Variants in KIRREL3 observed in about 807,000 individuals in gnomAD.
The protein encoded by KIRREL3 is kin of IRRE-like protein 3.
A neutral mutation model predicts 89.7 loss-of-function variants in KIRREL3; 36 were observed. That is an observed-to-expected ratio of 0.40 (90% CI 0.31 to 0.53). KIRREL3 has a LOEUF of 0.53. KIRREL3 is among the 20% of genes least tolerant of loss of function. The pLI is 0.49. For synonymous variants in KIRREL3, 445 were observed against 441.4 expected (o/e 1.01, Z -0.10); for missense variants, 864 against 1,056.6 (o/e 0.82, Z 2.53).
At chr11:126,728,837 G>A (rs574895253) in intron 1 of KIRREL3, among the ~76,000 whole-genome samples, 2 of 152,322 alleles carry the variant, frequency 1.3e-5, no homozygotes, top group East Asian at 3.9e-4. Context: ...TTCAAGTGAG[G>A]AAGGCCTGAG....
rs79096179 is a variant in KIRREL3 at position 126,905,940 on chromosome 11, G to A, written c.55+94515C>T. On this transcript the variant is annotated intron_variant, in intron 1 of 16. Transcript: ENST00000525144. This position sits in a 1 kb window ranked among gnomAD's most constrained non-coding sequence, Gnocchi z 5.0. ...CGGAGGAGATGAAACAGGCTGACAG[G>A]CAGAGCCATTCTGTTTGGGGTTTGT... 5.5e-3 allele frequency among the ~76,000 whole-genome samples: 841 copies of A among 152,298 alleles called. 22 individuals carry two copies. In the East Asian group the frequency reaches 0.075, roughly 14 times the overall value.
At chr11:126,603,897 C>T (rs1942773005) in intron 1 of KIRREL3, among the ~76,000 whole-genome samples, 1 of 152,198 alleles carries the variant, frequency 6.6e-6, no homozygotes. Flanking sequence ...ATAGCCCCCC[C>T]TCCTCCCACT....
In KIRREL3 at chr11:126,768,295, C is replaced by G. The variant is rs1949910568; in HGVS notation, c.56-205383G>C. Among the ~76,000 whole-genome samples, 1 of 152,102 alleles carries G rather than the reference C, an allele frequency of 6.6e-6. No individual in the cohort carries two copies. The highest frequency in any genetic ancestry group is 1.5e-5 in the Non-Finnish European group (1 of 68,022). Reference sequence around the variant, plus strand: ...CCATCCATTCATCCATCCATCCATCCATCCATCCAATCTGTCCATCTGTCC... The same window carrying G: ...CCATCCATTCATCCATCCATCCATCGATCCATCCAATCTGTCCATCTGTCC... On this transcript the variant is annotated intron_variant, in intron 1 of 16. Coordinates refer to ENST00000525144, the MANE Select transcript of KIRREL3 (RefSeq NM_032531.4). This position sits in a 1 kb window ranked among gnomAD's most constrained non-coding sequence, Gnocchi z 4.5.
At chr11:126,661,406 G>A (rs1305155384) in intron 1 of KIRREL3, among the ~76,000 whole-genome samples, 3 of 152,174 alleles carry the variant, frequency 2.0e-5, no homozygotes, top group African/African-American at 4.8e-5. Context: ...CCCAAATAAC[G>A]ACGAGAGATG....
rs2134329935 is a variant in KIRREL3, at chr11:126,489,019, C to T, written c.434-15553G>A. Among the ~76,000 whole-genome samples the T allele has an allele frequency of 6.6e-6, 1 of 152,268 alleles. No homozygotes were observed. The highest frequency in any genetic ancestry group is 2.1e-4 in the South Asian group (1 of 4,816). On this transcript the variant is annotated intron_variant, in intron 4 of 16. Transcript: ENST00000525144. This position sits in a 1 kb window ranked among gnomAD's most constrained non-coding sequence, Gnocchi z 5.5. ...TCCTTTCCTGACTTGTGGACACCTA[C>T]ACGATGTTCAGTGTTTGCTCAAATG... is the stretch of plus-strand genomic sequence containing the variant.
At position 126,830,651 on chromosome 11, in the gene KIRREL3, A is replaced by C. The variant is rs1844327887; in HGVS notation, c.55+169804T>G. On this transcript the variant is annotated intron_variant, in intron 1 of 16. Transcript: ENST00000525144. This position sits in a 1 kb window ranked among gnomAD's most constrained non-coding sequence, Gnocchi z 4.9. ...GCAGGGATTGGACAGGCAGGCACTT[A>C]GGAAGGTGTTCGTGCCAGACGCATT... Among the ~76,000 whole-genome samples, 1 of 152,222 alleles carries C rather than the reference A, an allele frequency of 6.6e-6. No homozygotes were observed. The highest frequency in any genetic ancestry group is 6.5e-5 in the Admixed American group (1 of 15,284).
At chr11:126,472,955 C>T (rs1456828519) in intron 5 of KIRREL3, among the ~76,000 whole-genome samples, 1 of 126,850 alleles carries the variant, frequency 7.9e-6, no homozygotes, top group Admixed American at 8.0e-5. Flanking sequence ...AGCCCAGCCC[C>T]TCCCCAGCAG....
chr11:126,566,602 C>T lies in KIRREL3; in HGVS notation c.56-3690G>A, dbSNP rs1035658124. 3.3e-5 allele frequency among the ~76,000 whole-genome samples: 5 copies of T among 152,146 alleles called. No individual in the cohort carries two copies. Among genetic ancestry groups the T allele is most frequent in the African/African-American group, 4.8e-5 (2 of 41,434 alleles). On this transcript the variant is annotated intron_variant, in intron 1 of 16. Coordinates refer to ENST00000525144, the MANE Select transcript of KIRREL3 (RefSeq NM_032531.4). The surrounding 1 kb of genome is among the most constrained non-coding windows in gnomAD (Gnocchi z 4.9). ...TGTAGAGTGAATGAAACTTGTAGCT[C>T]ATTGGAAGAGAAGCCTAGATAACAT... is the stretch of plus-strand genomic sequence containing the variant.
rs1301426234 is a variant in KIRREL3 at position 126,523,359 on chromosome 11, C to G, written c.284-1895G>C. On this transcript the variant is annotated intron_variant, in intron 3 of 16. Transcript: ENST00000525144. This position sits in a 1 kb window ranked among gnomAD's most constrained non-coding sequence, Gnocchi z 4.9. Reference sequence around the variant, plus strand: ...TGGGGCAGGCCTCCCTGGGGGTGGGCTGTACAACGGGCCACCAGCACTTGT... The same window carrying G: ...TGGGGCAGGCCTCCCTGGGGGTGGGGTGTACAACGGGCCACCAGCACTTGT... Among the ~76,000 whole-genome samples the G allele has an allele frequency of 6.6e-6, 1 of 152,136 alleles. No homozygotes were observed. Among genetic ancestry groups the G allele is most frequent in the African/African-American group, 2.4e-5 (1 of 41,432 alleles).
At chr11:126,542,560 C>T (rs1036382100) in intron 2 of KIRREL3, among the ~76,000 whole-genome samples, 13 of 152,212 alleles carry the variant, frequency 8.5e-5, no homozygotes, top group Admixed American at 7.9e-4. Context: ...TCCCTCTCTG[C>T]CTCCTACTCA....
chr11:126,633,985 G>A (rs1176521617), intron 1 of KIRREL3, among the ~76,000 whole-genome samples: 1 of 152,214 alleles, frequency 6.6e-6, no homozygotes, highest in Non-Finnish European at 1.5e-5. Context: ...TCTTCAGAAA[G>A]TACAGCGTAG....
chr11:126,730,748 T>C (rs758189758), intron 1 of KIRREL3, among the ~76,000 whole-genome samples: 22 of 152,100 alleles, frequency 1.4e-4, no homozygotes, highest in Non-Finnish European at 2.9e-4. Flanking sequence ...TTTCTTTTTT[T>C]TTGTTTTTGA....
chr11:126,596,084 T>C (rs1457648222), intron 1 of KIRREL3, among the ~76,000 whole-genome samples: 1 of 152,192 alleles, frequency 6.6e-6, no homozygotes, highest in Non-Finnish European at 1.5e-5. Context: ...TTCTAGGCTC[T>C]GGTGAACCCA....
At chr11:126,861,759 T>C (rs1020204595) in intron 1 of KIRREL3, among the ~76,000 whole-genome samples, 7 of 152,254 alleles carry the variant, frequency 4.6e-5, no homozygotes, top group African/African-American at 1.4e-4. Flanking sequence ...TTAGCTGTTA[T>C]GAATTCTCTG....
rs563715802 is a variant in KIRREL3, at chr11:126,908,846, T to C, written c.55+91609A>G. 6.6e-6 allele frequency among the ~76,000 whole-genome samples: 1 copy of C among 152,298 alleles called. No homozygotes were observed. The highest frequency in any genetic ancestry group is 2.1e-4 in the South Asian group (1 of 4,824). Reference sequence around the variant, plus strand: ...AAGGAGGATTGGTTCCTGGATCCTCTTGGGTATCACAATCTGCGGACGCTC... The same window carrying C: ...AAGGAGGATTGGTTCCTGGATCCTCCTGGGTATCACAATCTGCGGACGCTC... On this transcript the variant is annotated intron_variant, in intron 1 of 16. Transcript: ENST00000525144. This position sits in a 1 kb window ranked among gnomAD's most constrained non-coding sequence, Gnocchi z 4.2.
Position 126,641,443 on chromosome 11 carries a change from A to C in KIRREL3, c.56-78531T>G, listed in dbSNP as rs1006569236. On this transcript the variant is annotated intron_variant, in intron 1 of 16. Transcript: ENST00000525144. This position sits in a 1 kb window ranked among gnomAD's most constrained non-coding sequence, Gnocchi z 5.0. ...GGGTGCAGGGTGTCATGAGTTTTACAGATTCTGGCTACAAATACCTGAGGT... is the reference window on the plus strand; with the variant it reads ...GGGTGCAGGGTGTCATGAGTTTTACCGATTCTGGCTACAAATACCTGAGGT... Among the ~76,000 whole-genome samples the C allele has an allele frequency of 6.6e-6, 1 of 152,128 alleles. No homozygotes were observed. The highest frequency in any genetic ancestry group is 2.4e-5 in the African/African-American group (1 of 41,410).
At chr11:126,967,302 G>T (rs1949299827) in intron 1 of KIRREL3, among the ~76,000 whole-genome samples, 1 of 152,074 alleles carries the variant, frequency 6.6e-6, no homozygotes, top group Admixed American at 6.6e-5. Flanking sequence ...CCTCCAAAGA[G>T]CACTGCAAGT....
rs1942957193 is a variant in KIRREL3 at position 126,607,978 on chromosome 11, G to A, written c.56-45066C>T. Among the ~76,000 whole-genome samples, 1 of 152,184 alleles carries A rather than the reference G, an allele frequency of 6.6e-6. No individual in the cohort carries two copies. The highest frequency in any genetic ancestry group is 1.5e-5 in the Non-Finnish European group (1 of 68,030). On this transcript the variant is annotated intron_variant, in intron 1 of 16. Coordinates refer to ENST00000525144, the MANE Select transcript of KIRREL3 (RefSeq NM_032531.4). The surrounding 1 kb of genome is among the most constrained non-coding windows in gnomAD (Gnocchi z 6.6). ...CCATCGCAGCAAGGGCCCGAGGAAC[G>A]AGCACGTCAGCTGTCTCCAGGGCCT... is the stretch of plus-strand genomic sequence containing the variant.
intron 1 of KIRREL3, among the ~76,000 whole-genome samples, chr11:126,828,049 A>C (rs1943477484): frequency 1.3e-5 from 2 of 152,222 alleles, no homozygotes; most frequent in East Asian, 3.8e-4. Flanking sequence ...ACTTACCTCA[A>C]AGATTATTAT....
Sources: allele counts gnomAD v4.1 joint callset (sites outside exome capture counted in the v4.1 genomes callset), GRCh38; gene constraint gnomAD v4.1.1; non-coding constraint Gnocchi (gnomAD v3.1); transcripts MANE v1.5; gene names NCBI Gene and HGNC (gene_info 2026-07-23, HGNC 2026-07-21).